Variants in PRKCE observed in about 807,000 individuals in gnomAD.
PRKCE encodes the protein protein kinase C epsilon, also known as protein kinase C epsilon type.
PRKCE carries 16 observed loss-of-function variants against 85.4 expected under a neutral mutation model. The observed-to-expected ratio is 0.19, with a 90% confidence interval of 0.13 to 0.28. The LOEUF is 0.28. Ranked by LOEUF, PRKCE falls within the 10% of genes least tolerant of loss-of-function variation. The pLI is 1.00. For synonymous variants in PRKCE, 388 were observed against 371.5 expected (o/e 1.04, Z -0.51); for missense variants, 573 against 975.2 (o/e 0.59, Z 5.49).
At chr2:45,886,671 T>C (rs1340862406) in intron 2 of PRKCE, among the ~76,000 whole-genome samples, 2 of 152,224 alleles carry the variant, frequency 1.3e-5, no homozygotes, top group African/African-American at 2.4e-5. Flanking sequence ...TTTTCAAACC[T>C]TTCTAATGCT....
intron 1 of PRKCE, among the ~76,000 whole-genome samples, chr2:45,790,385 G>A (rs1252085061): frequency 1.3e-5 from 2 of 152,212 alleles, no homozygotes; most frequent in Admixed American, 6.5e-5. Context: ...AAACACACAC[G>A]TGTGTTCCAG....
At position 45,720,191 on chromosome 2, in the gene PRKCE, A is replaced by G. The variant is rs188071796; in HGVS notation, c.348+67743A>G. On this transcript the variant is annotated intron_variant, in intron 1 of 14. Transcript: ENST00000306156. ...GAACTGTAGCAAGGTGCAGTAGGTGAGGGAAACAAGACTTCAAAGCTGGGA... is the reference window on the plus strand; with the variant it reads ...GAACTGTAGCAAGGTGCAGTAGGTGGGGGAAACAAGACTTCAAAGCTGGGA... 2.2e-3 allele frequency among the ~76,000 whole-genome samples: 337 copies of G among 152,262 alleles called. 1 individual carries two copies. The highest frequency in any genetic ancestry group is 7.5e-3 in the African/African-American group (312 of 41,562).
intron 1 of PRKCE, among the ~76,000 whole-genome samples, chr2:45,698,457 AG>A (rs1310348085): frequency 2.0e-5 from 3 of 152,046 alleles, no homozygotes; most frequent in African/African-American, 7.2e-5. Context: ...GGGGTATAAG[AG>A]GCTCGATTTT....
chr2:45,704,936 A>G (rs956998994), intron 1 of PRKCE, among the ~76,000 whole-genome samples: 1 of 152,204 alleles, frequency 6.6e-6, no homozygotes, highest in African/African-American at 2.4e-5. Context: ...AGTAATTCTC[A>G]GCCCCTTTCC....
intron 1 of PRKCE, among the ~76,000 whole-genome samples, chr2:45,808,700 G>A (rs767636785): frequency 6.6e-6 from 1 of 152,184 alleles, no homozygotes; most frequent in Non-Finnish European, 1.5e-5. Flanking sequence ...TCTCAAGGCT[G>A]CTGAGATTGT....
chr2:45,757,849 G>A (rs953692906), intron 1 of PRKCE, among the ~76,000 whole-genome samples: 1 of 152,124 alleles, frequency 6.6e-6, no homozygotes, highest in South Asian at 2.1e-4. Context: ...GAGGACCACT[G>A]TCAAAACTGA....
intron 1 of PRKCE, among the ~76,000 whole-genome samples, chr2:45,799,310 T>A (rs556862619): frequency 6.6e-6 from 1 of 152,326 alleles, no homozygotes; most frequent in South Asian, 2.1e-4. Context: ...TCTAAAGAAT[T>A]ACACAAGGAA....
At chr2:45,917,983 A>G (rs1019935790) in intron 2 of PRKCE, among the ~76,000 whole-genome samples, 3 of 152,188 alleles carry the variant, frequency 2.0e-5, no homozygotes, top group Non-Finnish European at 4.4e-5. Flanking sequence ...GGGCCCGCCA[A>G]GCCCACGCCC....
intron 2 of PRKCE, among the ~76,000 whole-genome samples, chr2:45,863,432 G>A (rs894053333): frequency 1.3e-5 from 2 of 152,080 alleles, no homozygotes; most frequent in Non-Finnish European, 1.5e-5. Flanking sequence ...GCTGCTCCGT[G>A]ATGAATCAGG....
At chr2:46,141,068 G>A (rs923153777) in intron 11 of PRKCE, among the ~76,000 whole-genome samples, 1 of 152,148 alleles carries the variant, frequency 6.6e-6, no homozygotes, top group African/African-American at 2.4e-5. Context: ...CTTCCACCAA[G>A]AAGGGCTGTT....
At chr2:45,717,383 C>T (rs978151707) in intron 1 of PRKCE, among the ~76,000 whole-genome samples, 3 of 152,318 alleles carry the variant, frequency 2.0e-5, no homozygotes, top group Admixed American at 6.5e-5. Context: ...CATCTATCTC[C>T]CTACCCATCA....
chr2:45,756,711 AC>A (rs1221711483), intron 1 of PRKCE, among the ~76,000 whole-genome samples: 7 of 152,250 alleles, frequency 4.6e-5, no homozygotes, highest in Non-Finnish European at 5.9e-5. Context: ...AAAAAAACAG[AC>A]AATTTGGAAT....
At chr2:45,780,374 G>A (rs985343140) in intron 1 of PRKCE, among the ~76,000 whole-genome samples, 2 of 152,098 alleles carry the variant, frequency 1.3e-5, no homozygotes, top group Non-Finnish European at 1.5e-5. Flanking sequence ...GGATTTTGCT[G>A]ATTGTATTCC....
At chr2:46,101,057 A>T (rs1671172288) in intron 11 of PRKCE, among the ~76,000 whole-genome samples, 2 of 152,220 alleles carry the variant, frequency 1.3e-5, no homozygotes, top group Non-Finnish European at 2.9e-5. Context: ...TTTAGTAGAA[A>T]TGGGGTTTCA....
intron 4 of PRKCE, among the ~76,000 whole-genome samples, chr2:45,979,696 C>A (rs976601210): frequency 2.0e-5 from 3 of 152,190 alleles, no homozygotes; most frequent in Non-Finnish European, 2.9e-5. Flanking sequence ...GTGGAAGTTG[C>A]TGTTCCTTGG....
At chr2:45,973,922 T>C (rs1702267492) in intron 2 of PRKCE, among the ~76,000 whole-genome samples, 1 of 152,218 alleles carries the variant, frequency 6.6e-6, no homozygotes, top group African/African-American at 2.4e-5. Flanking sequence ...GAGAGATTTG[T>C]AAATCAAATT....
intron 10 of PRKCE, among the ~76,000 whole-genome samples, chr2:46,061,817 G>A (rs903674375): frequency 3.0e-5 from 4 of 133,786 alleles, no homozygotes; most frequent in East Asian, 2.0e-4. Flanking sequence ...TCATGCATAC[G>A]TTAAGTATTT....
rs1708198484 is a variant in PRKCE at position 46,041,228 on chromosome 2, A to G, written c.1437+30711A>G. Among the ~76,000 whole-genome samples the G allele has an allele frequency of 6.6e-6, 1 of 152,260 alleles. No individual in the cohort carries two copies. Among genetic ancestry groups the G allele is most frequent in the African/African-American group, 2.4e-5 (1 of 41,474 alleles). On this transcript the variant is annotated intron_variant, in intron 10 of 14. Transcript: ENST00000306156. The surrounding 1 kb of genome is among the most constrained non-coding windows in gnomAD (Gnocchi z 5.5). ...TAACAAATGATTACCCTTGATCTTA[A>G]GAGTACTGGGTATACCCAAGTCCAA... is the stretch of plus-strand genomic sequence containing the variant.
intron 1 of PRKCE, among the ~76,000 whole-genome samples, chr2:45,732,934 C>A (rs375268582): frequency 6.6e-6 from 1 of 152,116 alleles, no homozygotes; most frequent in Admixed American, 6.6e-5. Context: ...CAAGGGTCGA[C>A]GACTTTCTTT....
Sources: gnomAD v4.1 joint callset for allele counts (sites outside exome capture counted in the v4.1 genomes callset) on GRCh38, gnomAD v4.1.1 for gene constraint, Gnocchi (gnomAD v3.1) non-coding constraint, MANE v1.5 for transcripts, NCBI Gene and HGNC (gene_info 2026-07-23, HGNC 2026-07-21) for gene names.